Variants in PLCB1 observed in about 807,000 individuals in gnomAD.
PLCB1 encodes the protein 1-phosphatidylinositol 4,5-bisphosphate phosphodiesterase beta-1.
PLCB1 carries 46 observed loss-of-function variants against 161.8 expected under a neutral mutation model. That is an observed-to-expected ratio of 0.28 (90% CI 0.22 to 0.36). PLCB1 has a LOEUF of 0.36. Ranked by LOEUF, PLCB1 falls within the 10% of genes least tolerant of loss-of-function variation. The pLI, the probability that PLCB1 is intolerant of heterozygous loss-of-function variation, is 1.00. For missense variants in PLCB1, 1,016 were observed against 1,472.5 expected (o/e 0.69, Z 5.07); for synonymous variants, 517 against 503.7 (o/e 1.03, Z -0.35).
intron 19 of PLCB1, among the ~76,000 whole-genome samples, chr20:8,735,507 T>C (rs1208817127): frequency 6.6e-6 from 1 of 152,234 alleles, no homozygotes; most frequent in Non-Finnish European, 1.5e-5. Context: ...TTTCCAATTA[T>C]GCCTTTGTTT....
chr20:8,263,311 G>A (rs886735174), intron 2 of PLCB1, among the ~76,000 whole-genome samples: 1 of 150,754 alleles, frequency 6.6e-6, no homozygotes, highest in Admixed American at 6.6e-5. Context: ...CAAAATGACT[G>A]TATTAAAAAG....
At chr20:8,689,168 G>A (rs1340694071) in intron 10 of PLCB1, among the ~76,000 whole-genome samples, 1 of 151,732 alleles carries the variant, frequency 6.6e-6, no homozygotes, top group East Asian at 1.9e-4. Flanking sequence ...GTATAAAAGA[G>A]CTACTGATTT....
In PLCB1 at chr20:8,583,594, C is replaced by T. The variant is rs369252998; in HGVS notation, c.247-44700C>T. Reference sequence around the variant, plus strand: ...GAGAACTTTATGATCTGTGTGCTTTCGTTGAGCAGAGAACGTCCCTTTGAT... The same window carrying T: ...GAGAACTTTATGATCTGTGTGCTTTTGTTGAGCAGAGAACGTCCCTTTGAT... On this transcript the variant is annotated intron_variant, in intron 3 of 31. Transcript: ENST00000338037. Among the ~76,000 whole-genome samples the T allele has an allele frequency of 3.3e-5, 5 of 152,232 alleles. No homozygotes were observed. The South Asian group carries it at 6.2e-4, about 19-fold the overall frequency.
At chr20:8,622,221 T>C (rs1988205404) in intron 3 of PLCB1, among the ~76,000 whole-genome samples, 1 of 150,106 alleles carries the variant, frequency 6.7e-6, no homozygotes, top group Non-Finnish European at 1.5e-5. Flanking sequence ...GCCACTGCAT[T>C]CCAGCCTGGT....
chr20:8,162,054 A>AT (rs928902725), intron 2 of PLCB1, among the ~76,000 whole-genome samples: 2 of 152,130 alleles, frequency 1.3e-5, no homozygotes, highest in Non-Finnish European at 2.9e-5. Flanking sequence ...AATTACTAGG[A>AT]TTTTTTTAGA....
intron 3 of PLCB1, among the ~76,000 whole-genome samples, chr20:8,507,855 T>C (rs553775867): frequency 1.4e-4 from 22 of 152,202 alleles, no homozygotes; most frequent in Non-Finnish European, 2.8e-4. Flanking sequence ...TACATTATTA[T>C]CGAATATTCT....
At chr20:8,526,675 G>T (rs2423362) in intron 3 of PLCB1, among the ~76,000 whole-genome samples, 1 of 152,164 alleles carries the variant, frequency 6.6e-6, no homozygotes, top group South Asian at 2.1e-4. Flanking sequence ...GTCATTGGCT[G>T]CTCTGTTCAT....
At chr20:8,461,020 A>C (rs1316082589) in intron 3 of PLCB1, among the ~76,000 whole-genome samples, 3 of 152,186 alleles carry the variant, frequency 2.0e-5, no homozygotes, top group African/African-American at 7.2e-5. Flanking sequence ...TGAGTATTTG[A>C]AATGTGGCCA....
At position 8,363,731 on chromosome 20, in the gene PLCB1, T is replaced by C. The variant is rs901642300; in HGVS notation, c.178-7651T>C. On this transcript the variant is annotated intron_variant, in intron 2 of 31. Transcript: ENST00000338037. ...ATGGAAACCAGGAGACCCACATGAGTGTGGCCATCTTAGAGTTCTGCCCAC... is the reference window on the plus strand; with the variant it reads ...ATGGAAACCAGGAGACCCACATGAGCGTGGCCATCTTAGAGTTCTGCCCAC... 3.3e-5 allele frequency among the ~76,000 whole-genome samples: 5 copies of C among 151,920 alleles called. No homozygotes were observed. The East Asian group carries it at 9.7e-4, about 29-fold the overall frequency.
At chr20:8,775,255 T>C (rs1390529387) in intron 27 of PLCB1, among the ~76,000 whole-genome samples, 1 of 152,174 alleles carries the variant, frequency 6.6e-6, no homozygotes, top group Non-Finnish European at 1.5e-5. Context: ...AATAATCAGT[T>C]TTATTTTCCA....
chr20:8,793,594 C>T (rs1035392922), intron 31 of PLCB1, among the ~76,000 whole-genome samples: 10 of 151,992 alleles, frequency 6.6e-5, no homozygotes, highest in African/African-American at 1.9e-4. Context: ...TTTTCAAAAG[C>T]GGAGGGAGTG....
At chr20:8,706,729 A>C (rs1423797727) in intron 11 of PLCB1, among the ~76,000 whole-genome samples, 1 of 152,152 alleles carries the variant, frequency 6.6e-6, no homozygotes, top group South Asian at 2.1e-4. Context: ...AGTCAGACAA[A>C]TCTTCCTGGG....
At chr20:8,589,769 C>T (rs924363177) in intron 3 of PLCB1, among the ~76,000 whole-genome samples, 13 of 151,900 alleles carry the variant, frequency 8.6e-5, no homozygotes, top group African/African-American at 3.1e-4. Context: ...ATGTGTGCCA[C>T]CATGCCAGGC....
At position 8,883,283 on chromosome 20, in the gene PLCB1, A is replaced by G. The variant is rs886056976; in HGVS notation, c.*1434A>G. 78 of 152,254 alleles carry G rather than the reference A, an allele frequency of 5.1e-4. No individual in the cohort carries two copies. The highest frequency in any genetic ancestry group is 1.9e-3 in the African/African-American group (77 of 41,566). 9.4% of individuals were successfully genotyped at this position (152,254 alleles called of 1,614,324 possible). A position where few individuals can be genotyped will look rare whatever the true frequency, so the allele number is the denominator to read the frequency against. On this transcript the variant is annotated 3_prime_UTR_variant, in exon 32 of 32. Coordinates refer to ENST00000338037, the MANE Select transcript of PLCB1 (RefSeq NM_015192.4). ...ATAAAAAAACTTCCATTATATATTT[A>G]CTAAGTATATTTAATTCACTTAACT... is the stretch of plus-strand genomic sequence containing the variant.
intron 9 of PLCB1, among the ~76,000 whole-genome samples, chr20:8,665,224 C>G (rs1444237902): frequency 6.6e-6 from 1 of 152,180 alleles, no homozygotes; most frequent in Non-Finnish European, 1.5e-5. Flanking sequence ...ACTTCTTTGA[C>G]TAGCCCTGCT....
intron 23 of PLCB1, among the ~76,000 whole-genome samples, chr20:8,755,575 A>G (rs1981695967): frequency 6.6e-6 from 1 of 152,212 alleles, no homozygotes; most frequent in South Asian, 2.1e-4. Flanking sequence ...AAACATTTTT[A>G]AACTGTTTAC....
chr20:8,649,352 C>G, intron 6 of PLCB1, 22 bp from the exon 7 acceptor site: 2 of 1,593,822 alleles, frequency 1.3e-6, no homozygotes, highest in Non-Finnish European at 8.6e-7. Context: ...AACCTCTCTC[C>G]TTTGTTGTGT....
intron 3 of PLCB1, among the ~76,000 whole-genome samples, chr20:8,559,655 A>G (rs1169699280): frequency 2.6e-5 from 4 of 152,014 alleles, no homozygotes. Flanking sequence ...AAAGAGAACT[A>G]GAATAGCTAT....
intron 9 of PLCB1, among the ~76,000 whole-genome samples, chr20:8,672,728 A>G (rs1368478121): frequency 1.3e-5 from 2 of 152,112 alleles, no homozygotes; most frequent in African/African-American, 4.8e-5. Context: ...TGCAAAGTGT[A>G]ATGAGAGAAT....
Sources: allele counts gnomAD v4.1 joint callset (sites outside exome capture counted in the v4.1 genomes callset), GRCh38; gene constraint gnomAD v4.1.1; transcripts MANE v1.5; gene names NCBI Gene and HGNC (gene_info 2026-07-23, HGNC 2026-07-21).